Variants in UROC1 observed in about 807,000 individuals in gnomAD.
UROC1 encodes the protein urocanate hydratase 1, also known as urocanate hydratase.
In UROC1, 79 loss-of-function variants were observed where a neutral mutation model predicts 89.5. The observed-to-expected ratio is 0.88, with a 90% confidence interval of 0.74 to 1.06. UROC1 has a LOEUF of 1.06. Ranked by LOEUF, UROC1 falls within the 50% of genes least tolerant of loss-of-function variation. The pLI is 0.00. For missense variants in UROC1, 885 were observed against 907.8 expected (o/e 0.97, Z 0.32); for synonymous variants, 361 against 354.8 (o/e 1.02, Z -0.20).
chr3:126,501,836 A>ACCTCC, intron 9 of UROC1: 1 of 1,599,202 alleles, frequency 6.3e-7, no homozygotes, highest in Non-Finnish European at 8.5e-7. Flanking sequence ...GGAGCCAGGC[A>ACCTCC]CCTCCCCTCC....
Position 126,500,050 on chromosome 3 carries a change from C to G in UROC1, c.1243+7G>C, listed in dbSNP as rs767411021. 6.2e-7 allele frequency: 1 copy of G among 1,612,410 alleles called. No individual in the cohort carries two copies. Among genetic ancestry groups the G allele is most frequent in the Admixed American group, 1.7e-5 (1 of 60,028 alleles). ...CCTCCCTCCTCCTCCCTCCTCCTTC[C>G]TCCTACCTGCTCTCTGGGCCTCCAA... On this transcript the variant is annotated splice_region_variant and intron_variant, in intron 12 of 19. Transcript: ENST00000290868.
At chr3:126,498,563 G>A (rs1466951748) in intron 13 of UROC1, among the ~76,000 whole-genome samples, 2 of 151,994 alleles carry the variant, frequency 1.3e-5, no homozygotes, top group Admixed American at 6.5e-5. Flanking sequence ...CAGGAGCCAG[G>A]CTCCAGGACA....
chr3:126,503,079 C>T (rs1425120670), intron 9 of UROC1, among the ~76,000 whole-genome samples: 2 of 151,944 alleles, frequency 1.3e-5, no homozygotes, highest in Non-Finnish European at 2.9e-5. Flanking sequence ...TGCTAAACAG[C>T]CTGAATAGGG....
In UROC1 at chr3:126,502,632, G is replaced by C. The variant is rs564270588; in HGVS notation, c.903-1352C>G. On this transcript the variant is annotated intron_variant, in intron 9 of 19. Coordinates refer to ENST00000290868, the MANE Select transcript of UROC1 (RefSeq NM_144639.3). ...TATTTATGTGTATGTGTGTGTTTATGTGTGTGCATGTGTGCACTCTGTGTG... is the reference window on the plus strand; with the variant it reads ...TATTTATGTGTATGTGTGTGTTTATCTGTGTGCATGTGTGCACTCTGTGTG... Among the ~76,000 whole-genome samples, 922 of 151,852 alleles carry C rather than the reference G, an allele frequency of 6.1e-3. 14 individuals are homozygous for C. Among genetic ancestry groups the C allele is most frequent in the African/African-American group, 0.021 (870 of 41,408 alleles).
At chr3:126,501,810 C>T (rs745490869) in intron 9 of UROC1, 1 of 1,599,414 alleles carries the variant, frequency 6.3e-7, no homozygotes, top group Non-Finnish European at 8.5e-7. Context: ...CCAGGAGTGG[C>T]CTGGAGAAGC....
chr3:126,514,464 TGA>T (rs1936257546), intron 1 of UROC1, among the ~76,000 whole-genome samples: 1 of 152,150 alleles, frequency 6.6e-6, no homozygotes, highest in Non-Finnish European at 1.5e-5. Context: ...GGGCGCATGC[TGA>T]GAGTGTCCTG....
At chr3:126,492,737 C>T (rs770478955) in intron 15 of UROC1, among the ~76,000 whole-genome samples, 2 of 152,128 alleles carry the variant, frequency 1.3e-5, no homozygotes, top group Non-Finnish European at 2.9e-5. Flanking sequence ...CATACCGGCC[C>T]CACATGTCCA....
At chr3:126,504,364 C>T (rs1435656134) in intron 8 of UROC1, among the ~76,000 whole-genome samples, 1 of 152,188 alleles carries the variant, frequency 6.6e-6, no homozygotes, top group Non-Finnish European at 1.5e-5. Context: ...CGATCTCCAT[C>T]CTCCCTTGCA....
rs1252472477 is a variant in UROC1 at position 126,510,790 on chromosome 3, G to A, written c.131C>T (p.Ala44Val). The A allele has an allele frequency of 2.1e-5, 34 of 1,613,008 alleles. No individual in the cohort carries two copies. The highest frequency in any genetic ancestry group is 8.0e-5 in the African/African-American group (6 of 74,932). ...GAAGTAGCGCAGGGCGTTCCTCAGC[G>A]CCAGCTGGGGTAGGAGAGCGGAGAG... ...PSLSPVEKQL[A>V]LRNALRYFPP... The change falls in exon 2 of 20, where the codon GCG (alanine) becomes GTG (valine). Residue 44 changes from alanine (A) to valine (V), a missense_variant. Transcript: ENST00000290868.
chr3:126,504,231 G>T (rs1458232149), intron 8 of UROC1, 148 bp from the exon 9 acceptor site: 3 of 766,232 alleles, frequency 3.9e-6, no homozygotes, highest in Non-Finnish European at 6.7e-6. Context: ...ACCATGAGCT[G>T]CCCTCCCTCT....
chr3:126,514,304 G>A (rs1226804824), intron 1 of UROC1, among the ~76,000 whole-genome samples: 1 of 152,234 alleles, frequency 6.6e-6, no homozygotes, highest in South Asian at 2.1e-4. Flanking sequence ...GCTGTTGGAT[G>A]CCTGGCACAG....
At chr3:126,484,305 C>T (rs184119783) in intron 18 of UROC1, among the ~76,000 whole-genome samples, 168 of 152,288 alleles carry the variant, frequency 1.1e-3, no homozygotes, top group African/African-American at 3.7e-3. Flanking sequence ...TGACCTTCCC[C>T]ATCCTCAGCC....
chr3:126,510,537 C>G, intron 2 of UROC1, 127 bp downstream of exon 2: 4 of 1,465,322 alleles, frequency 2.7e-6, no homozygotes, highest in Non-Finnish European at 3.7e-6. Flanking sequence ...TCCCCTGCCT[C>G]CTGGTCTGGA....
At chr3:126,491,996 A>G (rs1334007249) in intron 16 of UROC1, among the ~76,000 whole-genome samples, 4 of 151,916 alleles carry the variant, frequency 2.6e-5, no homozygotes, top group Admixed American at 2.0e-4. Context: ...ACCTCACCCA[A>G]TCCCAGATTA....
intron 12 of UROC1, 78 bp from the exon 13 acceptor site, chr3:126,499,487 C>T: frequency 2.2e-6 from 3 of 1,391,864 alleles, no homozygotes; most frequent in Non-Finnish European, 1.0e-6. Context: ...AAACACAGGG[C>T]CCAGAGGGAG....
chr3:126,506,086 G>A lies in UROC1; in HGVS notation c.603-75C>T, dbSNP rs970533487. 5.1e-6 allele frequency: 8 copies of A among 1,557,516 alleles called. No individual in the cohort carries two copies. The African/African-American group carries it at 1.1e-4, about 21-fold the overall frequency. Reference sequence around the variant, plus strand: ...CAGGTCCTCCCAGCCACTCCTTTTAGGAGGTTGAAAATTAGTATTTAACTA... The same window carrying A: ...CAGGTCCTCCCAGCCACTCCTTTTAAGAGGTTGAAAATTAGTATTTAACTA... On this transcript the variant is annotated intron_variant, in intron 6 of 19. Coordinates refer to ENST00000290868, the MANE Select transcript of UROC1 (RefSeq NM_144639.3).
intron 16 of UROC1, among the ~76,000 whole-genome samples, chr3:126,489,695 C>A (rs949464195): frequency 5.9e-5 from 9 of 152,162 alleles, no homozygotes; most frequent in Non-Finnish European, 1.3e-4. Flanking sequence ...CCCTATATCA[C>A]AGAGCGAGTG....
In UROC1 at chr3:126,500,803, C is replaced by A. The variant is rs775338652; in HGVS notation, c.1037G>T (p.Cys346Phe). The A allele has an allele frequency of 1.2e-6, 2 of 1,614,050 alleles. No homozygotes were observed. The highest frequency in any genetic ancestry group is 1.7e-6 in the Non-Finnish European group (2 of 1,180,032). The change falls in exon 11 of 20, where the codon TGC (cysteine) becomes TTC (phenylalanine). Residue 346 changes from cysteine to phenylalanine, a missense_variant. Cys to Phe is a radical substitution (Grantham distance 205). Coordinates refer to ENST00000290868, the MANE Select transcript of UROC1 (RefSeq NM_144639.3). ...LVDLGSDQTSCHNPFNGGYYP... is the reference protein window; with the variant it reads ...LVDLGSDQTSFHNPFNGGYYP... ...GTAGCCGCCATTGAACGGGTTGTGG[C>A]AGGATGTCTGATCTGACCCCAGGTC...
At chr3:126,486,529 C>T (rs754130156) in intron 18 of UROC1, among the ~76,000 whole-genome samples, 13 of 152,294 alleles carry the variant, frequency 8.5e-5, no homozygotes, top group East Asian at 3.9e-4. Flanking sequence ...CAAAGACAGA[C>T]GGCAAATGGG....
Sources: allele counts gnomAD v4.1 joint callset (sites outside exome capture counted in the v4.1 genomes callset), GRCh38; gene constraint gnomAD v4.1.1; transcripts MANE v1.5; gene names NCBI Gene and HGNC (gene_info 2026-07-23, HGNC 2026-07-21).